TLCD4: variants seen among roughly 807,000 people sequenced by gnomAD.
TLCD4 encodes TLC domain containing 4, also known as TLC domain-containing protein 4.
In TLCD4, 7 loss-of-function variants were observed where a neutral mutation model predicts 24.2. The observed-to-expected ratio is 0.29, with a 90% CI of 0.16 to 0.54. The LOEUF (loss-of-function observed/expected upper bound fraction) is 0.54, where lower values mean the gene tolerates loss of function less well. Ranked by LOEUF, TLCD4 falls within the 20% of genes least tolerant of loss-of-function variation. The pLI is 0.95. For synonymous variants in TLCD4, 103 were observed against 106.4 expected (o/e 0.97, Z 0.20); for missense variants, 259 against 313.9 (o/e 0.82, Z 1.32).
At position 95,143,954 on chromosome 1, in the gene TLCD4, C is replaced by A. The variant is rs1357183381; in HGVS notation, c.53C>A (p.Thr18Asn). Residue 18 changes from threonine (T) to asparagine (N), a missense_variant, in exon 2 of 7, where the codon ACC becomes AAC. Transcript: ENST00000370203. ...AGTGTTACCTGTATCAGCTTTTTCACCTTTCAGCTTCTTTTCTACTTTGTA... is the reference window on the plus strand; with the variant it reads ...AGTGTTACCTGTATCAGCTTTTTCAACTTTCAGCTTCTTTTCTACTTTGTA... ...LISVTCISFF[T>N]FQLLFYFVSY... 5 of 1,571,118 alleles carry A rather than the reference C, an allele frequency of 3.2e-6. No homozygotes were observed. Among genetic ancestry groups the A allele is most frequent in the Non-Finnish European group, 3.4e-6 (4 of 1,159,826 alleles).
At chr1:95,099,845 T>G in the TLCD4 span, among the ~76,000 whole-genome samples, 1 of 151,974 alleles carries the variant, frequency 6.6e-6, no homozygotes, top group Non-Finnish European at 1.5e-5. Flanking sequence ...TTATTATCAC[T>G]ATTTGGTCAG....
chr1:95,111,318 C>CA, the TLCD4 span, among the ~76,000 whole-genome samples: 2,865 of 123,148 alleles, frequency 0.023, 120 homozygotes, highest in African/African-American at 0.079. Flanking sequence ...CAAAACAAAA[C>CA]AAAAAAAAAG....
chr1:95,181,205 A>C (rs1300241051), intron 6 of TLCD4, among the ~76,000 whole-genome samples: 1 of 145,320 alleles, frequency 6.9e-6, no homozygotes, highest in Non-Finnish European at 1.5e-5. Context: ...AACAAACCAA[A>C]AAAAAAAACA....
At chr1:95,147,946 T>G (rs1677394321) in intron 2 of TLCD4, among the ~76,000 whole-genome samples, 1 of 152,166 alleles carries the variant, frequency 6.6e-6, no homozygotes, top group African/African-American at 2.4e-5. Context: ...AAACTTATGG[T>G]TTTTATGTTA....
At chr1:95,098,428 T>G in the TLCD4 span, among the ~76,000 whole-genome samples, 5 of 152,230 alleles carry the variant, frequency 3.3e-5, no homozygotes, top group African/African-American at 1.2e-4. Flanking sequence ...TGGCCTTAGC[T>G]TCTCCTGCTG....
chr1:95,107,354 C>T, the TLCD4 span, among the ~76,000 whole-genome samples: 2 of 152,058 alleles, frequency 1.3e-5, no homozygotes, highest in African/African-American at 2.4e-5. Flanking sequence ...ACCCAGGAGG[C>T]GAAGCTTGCA....
the TLCD4 span, among the ~76,000 whole-genome samples, chr1:95,100,262 T>C: frequency 6.6e-6 from 1 of 151,716 alleles, no homozygotes; most frequent in African/African-American, 2.4e-5. Context: ...GTACAAAAAA[T>C]TTATGTTTCA....
intron 1 of TLCD4, among the ~76,000 whole-genome samples, chr1:95,140,039 A>G (rs546213860): frequency 4.9e-4 from 74 of 152,202 alleles, no homozygotes; most frequent in African/African-American, 1.8e-3. Context: ...TATGAGAACA[A>G]TGCCTCCTTC....
At chr1:95,148,674 T>G in intron 2 of TLCD4, 28 bp from the exon 3 acceptor site, 1 of 1,610,556 alleles carries the variant, frequency 6.2e-7, no homozygotes, top group Non-Finnish European at 8.5e-7. Flanking sequence ...GAATCTAAAA[T>G]CTTTGTGTGT....
upstream of TLCD4, among the ~76,000 whole-genome samples, chr1:95,113,399 T>C (rs547541519): frequency 1.5e-3 from 228 of 152,250 alleles, 2 homozygotes; most frequent in Non-Finnish European, 2.4e-3. Flanking sequence ...CAAGGAAGCA[T>C]GAGGGCAAAG....
Position 95,119,997 on chromosome 1 carries a change from A to G in TLCD4, c.-12+2380A>G, listed in dbSNP as rs562920876. 3.3e-5 allele frequency: 5 copies of G among 152,378 alleles called. No individual in the cohort carries two copies. In the South Asian group the frequency reaches 1.0e-3, roughly 32 times the overall value. 9.4% of individuals were successfully genotyped at this position (152,378 alleles called of 1,614,324 possible). On this transcript the variant is annotated intron_variant, in intron 1 of 6. Transcript: ENST00000370203. ...AATTGTCTGGGTGAGAATTATGGGC[A>G]TTTGGACAAAGGAGGGCCAGACTGG...
chr1:95,157,902 A>G (rs1009148381), intron 5 of TLCD4, among the ~76,000 whole-genome samples: 14 of 152,232 alleles, frequency 9.2e-5, no homozygotes, highest in African/African-American at 3.4e-4. Flanking sequence ...GAGGTAGGAA[A>G]TAAGACCACC....
At chr1:95,174,004 G>A in intron 6 of TLCD4, 115 bp downstream of exon 6, 1 of 1,402,770 alleles carries the variant, frequency 7.1e-7, no homozygotes, top group East Asian at 2.4e-5. Flanking sequence ...TCTGTGATAT[G>A]AATTGTTATC....
chr1:95,195,791 T>C lies in TLCD4; in HGVS notation c.*3923T>C, dbSNP rs957305592. On this transcript the variant is annotated 3_prime_UTR_variant, in exon 7 of 7. Transcript: ENST00000370203. Reference sequence around the variant, plus strand: ...AGAGGATCTGGAGTTAGAGGAGGCATTGAGAGTGCTTTTCCCTTAAACGCC... The same window carrying C: ...AGAGGATCTGGAGTTAGAGGAGGCACTGAGAGTGCTTTTCCCTTAAACGCC... 6.6e-6 allele frequency: 1 copy of C among 152,144 alleles called. No individual in the cohort carries two copies. Among genetic ancestry groups the C allele is most frequent in the African/African-American group, 2.4e-5 (1 of 41,442 alleles). 9.4% of individuals were successfully genotyped at this position (152,144 alleles called of 1,614,324 possible).
At chr1:95,189,567 T>C (rs1280557366) in intron 6 of TLCD4, among the ~76,000 whole-genome samples, 1 of 152,324 alleles carries the variant, frequency 6.6e-6, no homozygotes, top group Non-Finnish European at 1.5e-5. Context: ...TTCCACTCTT[T>C]CCGAAACTCT....
intron 1 of TLCD4, among the ~76,000 whole-genome samples, chr1:95,122,311 AT>A (rs2100901776): frequency 6.6e-6 from 1 of 152,310 alleles, no homozygotes; most frequent in South Asian, 2.1e-4. Flanking sequence ...GTGAGCCGAG[AT>A]TGTGTCACTG....
At chr1:95,169,466 T>C (rs372787230) in intron 5 of TLCD4, among the ~76,000 whole-genome samples, 8 of 152,228 alleles carry the variant, frequency 5.3e-5, no homozygotes, top group Admixed American at 3.3e-4. Context: ...AAATTTACCA[T>C]TTTTACACTG....
At chr1:95,155,449 T>C (rs570682718) in intron 5 of TLCD4, among the ~76,000 whole-genome samples, 2 of 152,338 alleles carry the variant, frequency 1.3e-5, no homozygotes, top group East Asian at 3.9e-4. Flanking sequence ...TCAGAATTTG[T>C]AATTATTTAA....
At chr1:95,175,054 G>C (rs1315099012) in intron 6 of TLCD4, among the ~76,000 whole-genome samples, 1 of 152,142 alleles carries the variant, frequency 6.6e-6, no homozygotes, top group Non-Finnish European at 1.5e-5. Flanking sequence ...GGGGTTACAG[G>C]CATGAGCCAC....
Sources: gnomAD v4.1 joint callset for allele counts (sites outside exome capture counted in the v4.1 genomes callset) on GRCh38, gnomAD v4.1.1 for gene constraint, MANE v1.5 for transcripts, NCBI Gene and HGNC (gene_info 2026-07-23, HGNC 2026-07-21) for gene names.